Variants in RNF150 observed in about 807,000 individuals in gnomAD.
The protein encoded by RNF150 is ring finger protein 150.
Under a neutral mutation model 39.3 loss-of-function variants are expected in RNF150, and 24 were observed. That is an observed-to-expected ratio of 0.61 (90% CI 0.44 to 0.86). The LOEUF (loss-of-function observed/expected upper bound fraction) is 0.86. Ranked by LOEUF, RNF150 falls within the 40% of genes least tolerant of loss-of-function variation. RNF150 has a pLI of 0.00. For missense variants in RNF150, 502 were observed against 587.8 expected, an observed-to-expected ratio of 0.85 and a Z score of 1.51; for synonymous variants, 255 against 227.3, an observed-to-expected ratio of 1.12 and a Z score of -1.10.
At chr4:141,108,599 C>G (rs748291812) in intron 1 of RNF150, among the ~76,000 whole-genome samples, 3 of 152,010 alleles carry the variant, frequency 2.0e-5, no homozygotes, top group Non-Finnish European at 4.4e-5. Flanking sequence ...ACAATCTATA[C>G]CATGTCAAAG....
At chr4:141,105,263 C>T (rs748022057) in intron 1 of RNF150, among the ~76,000 whole-genome samples, 6 of 152,086 alleles carry the variant, frequency 3.9e-5, no homozygotes, top group Non-Finnish European at 7.4e-5. Flanking sequence ...TTATCATTTT[C>T]CCTTTCAAAA....
chr4:140,929,434 T>C (rs1459641083), intron 4 of RNF150, among the ~76,000 whole-genome samples: 5 of 137,524 alleles, frequency 3.6e-5, no homozygotes, highest in Admixed American at 8.2e-5. Context: ...TGGCGCGATC[T>C]CGGCTCACTG....
intron 6 of RNF150, among the ~76,000 whole-genome samples, chr4:140,876,705 G>C (rs937372118): frequency 6.6e-6 from 1 of 152,178 alleles, no homozygotes; most frequent in Non-Finnish European, 1.5e-5. Context: ...GAAGAAGTGG[G>C]ATCTCAACCC....
In RNF150 at chr4:141,133,207, G is replaced by C. The variant is rs1380010647; in HGVS notation, c.-399C>G. On this transcript the variant is annotated 5_prime_UTR_variant, in exon 1 of 7. Coordinates refer to ENST00000515673, the MANE Select transcript of RNF150 (RefSeq NM_020724.2). Reference sequence around the variant, plus strand: ...GCGCCCTCCAGCCCCGGCGGGGACGGGCACGATTGCTCGTAGTCTGGGGTG... The same window carrying C: ...GCGCCCTCCAGCCCCGGCGGGGACGCGCACGATTGCTCGTAGTCTGGGGTG... 1 of 232,840 alleles carries C rather than the reference G, an allele frequency of 4.3e-6. No individual in the cohort carries two copies. Among genetic ancestry groups the C allele is most frequent in the Admixed American group, 5.9e-5 (1 of 16,840 alleles). 14.4% of individuals were successfully genotyped at this position (232,840 alleles called of 1,614,324 possible).
At position 141,100,665 on chromosome 4, in the gene RNF150, G is replaced by A. The variant is rs114389908; in HGVS notation, c.484+31660C>T. Among the ~76,000 whole-genome samples the A allele has an allele frequency of 3.4e-3, 513 of 152,314 alleles. 2 individuals are homozygous for A. Among genetic ancestry groups the A allele is most frequent in the African/African-American group, 0.012 (484 of 41,576 alleles). On this transcript the variant is annotated intron_variant, in intron 1 of 6. Coordinates refer to ENST00000515673, the MANE Select transcript of RNF150 (RefSeq NM_020724.2). The stretch of plus-strand genomic sequence containing the variant: ...AGGCATGCTAGGGAAGGAGATGTAC[G>A]TCATGTGTTGCATAACAACAGAGAC...
intron 1 of RNF150, among the ~76,000 whole-genome samples, chr4:141,089,681 C>T (rs1738504844): frequency 6.6e-6 from 1 of 152,154 alleles, no homozygotes. Flanking sequence ...GTACAGAAGA[C>T]CACTGGGAGT....
At chr4:141,100,607 T>G (rs563841434) in intron 1 of RNF150, among the ~76,000 whole-genome samples, 1 of 152,276 alleles carries the variant, frequency 6.6e-6, no homozygotes, top group Non-Finnish European at 1.5e-5. Context: ...ATGTCTAACT[T>G]GGGATGGATC....
chr4:140,982,351 G>A (rs906116854), intron 1 of RNF150, among the ~76,000 whole-genome samples: 5 of 152,082 alleles, frequency 3.3e-5, no homozygotes, highest in African/African-American at 4.8e-5. Context: ...TGTGTTCCAA[G>A]CATTGGTAAT....
intron 1 of RNF150, among the ~76,000 whole-genome samples, chr4:141,126,972 C>T (rs1306699056): frequency 1.3e-5 from 2 of 152,120 alleles, no homozygotes; most frequent in Non-Finnish European, 2.9e-5. Flanking sequence ...TGCAAGTCAA[C>T]GATGCATCTG....
chr4:141,136,449 G>C (rs1727028894), upstream of RNF150, among the ~76,000 whole-genome samples: 1 of 152,170 alleles, frequency 6.6e-6, no homozygotes, highest in Admixed American at 6.5e-5. Flanking sequence ...TAAGTCAAAA[G>C]TTCAGTTTTT....
At chr4:140,919,718 C>T (rs901738089) in intron 5 of RNF150, among the ~76,000 whole-genome samples, 5 of 151,616 alleles carry the variant, frequency 3.3e-5, no homozygotes, top group African/African-American at 7.3e-5. Context: ...AAAAAGAGCC[C>T]GCATTGCCAA....
rs1213272482 is a variant in RNF150 at position 140,866,845 on chromosome 4, G to A, written c.*1416C>T. The A allele has an allele frequency of 6.6e-6, 1 of 152,120 alleles. No individual in the cohort carries two copies. Among genetic ancestry groups the A allele is most frequent in the Admixed American group, 6.5e-5 (1 of 15,272 alleles). 9.4% of individuals were successfully genotyped at this position (152,120 alleles called of 1,614,324 possible). A position where few individuals can be genotyped will look rare whatever the true frequency, so the allele number is the denominator to read the frequency against. On this transcript the variant is annotated 3_prime_UTR_variant, in exon 7 of 7. Coordinates refer to ENST00000515673, the MANE Select transcript of RNF150 (RefSeq NM_020724.2). ...AATGACCTTAGTCATCTCTGTATCT[G>A]GATAGTCTGAATATATTACAAAATT...
intron 1 of RNF150, among the ~76,000 whole-genome samples, chr4:141,207,997 A>G (rs1205473644): frequency 6.6e-6 from 1 of 152,250 alleles, no homozygotes; most frequent in Non-Finnish European, 1.5e-5. Context: ...AAAAGTCAGG[A>G]AAACTGCCTC....
intron 1 of RNF150, among the ~76,000 whole-genome samples, chr4:141,101,584 T>C (rs1739011775): frequency 6.6e-6 from 1 of 152,028 alleles, no homozygotes; most frequent in Non-Finnish European, 1.5e-5. Flanking sequence ...GTACAATAAA[T>C]ACATAAATCT....
chr4:140,979,278 A>T (rs1733775635), intron 1 of RNF150, among the ~76,000 whole-genome samples: 1 of 152,160 alleles, frequency 6.6e-6, no homozygotes, highest in Non-Finnish European at 1.5e-5. Flanking sequence ...GTGGAATCAC[A>T]GTATAGGAGA....
At chr4:141,198,676 A>T (rs1436071501) in intron 1 of RNF150, among the ~76,000 whole-genome samples, 13 of 152,218 alleles carry the variant, frequency 8.5e-5, no homozygotes, top group African/African-American at 2.9e-4. Context: ...AAAGATTCAC[A>T]GAAGATGAGC....
chr4:141,023,677 T>G (rs1735585218), intron 1 of RNF150, among the ~76,000 whole-genome samples: 1 of 152,222 alleles, frequency 6.6e-6, no homozygotes, highest in Non-Finnish European at 1.5e-5. Context: ...AAATCTAGCT[T>G]GTATTTTATA....
intron 6 of RNF150, among the ~76,000 whole-genome samples, chr4:140,870,110 CAAAT>C (rs1477130822): frequency 6.6e-6 from 1 of 151,958 alleles, no homozygotes; most frequent in Non-Finnish European, 1.5e-5. Context: ...TTCAAGGAGA[CAAAT>C]AAGAGAACAA....
At chr4:141,052,292 C>T (rs1339588119) in intron 1 of RNF150, among the ~76,000 whole-genome samples, 1 of 152,160 alleles carries the variant, frequency 6.6e-6, no homozygotes, top group African/African-American at 2.4e-5. Flanking sequence ...AACTTTTCCC[C>T]ATAATCCTCA....
Sources: allele counts gnomAD v4.1 joint callset (sites outside exome capture counted in the v4.1 genomes callset), GRCh38; gene constraint gnomAD v4.1.1; transcripts MANE v1.5; gene names NCBI Gene and HGNC (gene_info 2026-07-23, HGNC 2026-07-21).